The following CRACD variants were observed in gnomAD, a reference collection of about 807,000 sequenced individuals.
The protein encoded by CRACD is capping protein-inhibiting regulator of actin dynamics.
A neutral mutation model predicts 106.8 loss-of-function variants in CRACD; 56 were observed. The ratio of observed to expected loss-of-function variants is 0.52; its 90% confidence interval spans 0.42 to 0.66. The LOEUF (loss-of-function observed/expected upper bound fraction) is 0.66. Among genes scored for constraint, CRACD ranks in the 30% least tolerant of loss-of-function variants. The pLI is 0.00. For synonymous variants in CRACD, 754 were observed against 670.8 expected (o/e 1.12, Z -1.92); for missense variants, 1,730 against 1,623.2 (o/e 1.07, Z -1.13).
intron 1 of CRACD, among the ~76,000 whole-genome samples, chr4:56,072,571 T>C (rs1243745253): frequency 6.6e-6 from 1 of 152,176 alleles, no homozygotes; most frequent in Non-Finnish European, 1.5e-5. Flanking sequence ...CCATCACTGC[T>C]ATCTAATTCT....
chr4:56,238,913 G>A (rs1211363881), intron 2 of CRACD, among the ~76,000 whole-genome samples: 1 of 152,154 alleles, frequency 6.6e-6, no homozygotes, highest in Non-Finnish European at 1.5e-5. Flanking sequence ...AGATCAGTTA[G>A]TTCAAAATCC....
chr4:56,304,664 C>A (rs951210989), intron 4 of CRACD, among the ~76,000 whole-genome samples: 10 of 152,080 alleles, frequency 6.6e-5, no homozygotes, highest in Non-Finnish European at 1.5e-4. Context: ...CATCTGTAGT[C>A]CCACCTATTT....
chr4:56,064,399 T>C (rs762363006), intron 1 of CRACD, among the ~76,000 whole-genome samples: 2 of 152,068 alleles, frequency 1.3e-5, no homozygotes, highest in African/African-American at 4.8e-5. Flanking sequence ...AACACAAACT[T>C]AGCTGTTCTA....
chr4:56,110,312 C>G (rs928563902), intron 1 of CRACD, among the ~76,000 whole-genome samples: 1 of 152,128 alleles, frequency 6.6e-6, no homozygotes, highest in African/African-American at 2.4e-5. Flanking sequence ...TTCACATATT[C>G]AGGGCCTCAA....
intron 1 of CRACD, among the ~76,000 whole-genome samples, chr4:56,058,931 T>C (rs1447928674): frequency 1.3e-5 from 2 of 152,226 alleles, no homozygotes; most frequent in African/African-American, 4.8e-5. Context: ...CCTTTATGAA[T>C]CTGTCCATTG....
At chr4:56,238,399 A>G (rs1183381115) in intron 2 of CRACD, among the ~76,000 whole-genome samples, 2 of 152,218 alleles carry the variant, frequency 1.3e-5, no homozygotes, top group African/African-American at 4.8e-5. Flanking sequence ...TAGGGCTTCA[A>G]AGCCTTGTGT....
chr4:56,100,252 G>T (rs918942730), intron 1 of CRACD, among the ~76,000 whole-genome samples: 4 of 152,046 alleles, frequency 2.6e-5, no homozygotes, highest in Admixed American at 6.6e-5. Flanking sequence ...TGCGGGGACG[G>T]GGGGGAAGGG....
chr4:56,280,710 G>T (rs1021168826), intron 3 of CRACD, among the ~76,000 whole-genome samples: 17 of 152,206 alleles, frequency 1.1e-4, no homozygotes, highest in African/African-American at 3.9e-4. Flanking sequence ...ATCTAATTTG[G>T]CCTCCAGTTT....
chr4:56,138,844 C>T (rs1346498111), intron 1 of CRACD, among the ~76,000 whole-genome samples: 1 of 152,158 alleles, frequency 6.6e-6, no homozygotes, highest in African/African-American at 2.4e-5. Context: ...TTTTAATCCA[C>T]AAAGAAAACA....
intron 3 of CRACD, among the ~76,000 whole-genome samples, chr4:56,286,408 A>T (rs13141350): frequency 6.9e-6 from 1 of 144,630 alleles, no homozygotes; most frequent in South Asian, 2.2e-4. Flanking sequence ...AAAAAAAAAC[A>T]CAAAAAACTC....
intron 2 of CRACD, among the ~76,000 whole-genome samples, chr4:56,198,710 G>A (rs1001985903): frequency 6.6e-6 from 1 of 152,116 alleles, no homozygotes; most frequent in African/African-American, 2.4e-5. Context: ...GAGAAAATGT[G>A]TCCCTTCCTC....
At chr4:56,060,138 C>G (rs1732221959) in intron 1 of CRACD, among the ~76,000 whole-genome samples, 1 of 152,128 alleles carries the variant, frequency 6.6e-6, no homozygotes. Flanking sequence ...AGATTTTGTT[C>G]CTTTGGGTCA....
At chr4:56,056,408 C>T (rs1325186799) in intron 1 of CRACD, among the ~76,000 whole-genome samples, 1 of 152,082 alleles carries the variant, frequency 6.6e-6, no homozygotes. Flanking sequence ...TCATCTAGGC[C>T]TGTGCTGCCC....
chr4:56,215,769 C>T (rs1056806687), intron 2 of CRACD, among the ~76,000 whole-genome samples: 4 of 152,150 alleles, frequency 2.6e-5, no homozygotes, highest in Admixed American at 6.5e-5. Flanking sequence ...ACCATTCTTC[C>T]GGTGGTTCTA....
chr4:56,229,347 G>C (rs1482607711), intron 2 of CRACD, among the ~76,000 whole-genome samples: 2 of 152,150 alleles, frequency 1.3e-5, no homozygotes, highest in African/African-American at 4.8e-5. Context: ...AGGACACCAT[G>C]TTTGTCCCTT....
At chr4:56,240,971 AT>A (rs1362774401) in intron 2 of CRACD, among the ~76,000 whole-genome samples, 1 of 152,214 alleles carries the variant, frequency 6.6e-6, no homozygotes, top group Non-Finnish European at 1.5e-5. Context: ...CGCTGTCAGC[AT>A]GATGGATGGG....
rs146350660 is a variant in CRACD, at chr4:56,219,188, G to A, written c.-189+39758G>A. ...GAGTTTGAATATAATTCAAGAAGAT[G>A]CTCCTAGTAACAGGAAATTCCTTCA... On this transcript the variant is annotated intron_variant, in intron 2 of 10. Transcript: ENST00000682029. Among the ~76,000 whole-genome samples, 493 of 152,264 alleles carry A rather than the reference G, an allele frequency of 3.2e-3. 3 individuals are homozygous for A. Among genetic ancestry groups the A allele is most frequent in the African/African-American group, 0.011 (462 of 41,546 alleles).
intron 1 of CRACD, among the ~76,000 whole-genome samples, chr4:56,109,213 T>C (rs1225137104): frequency 6.6e-6 from 1 of 152,212 alleles, no homozygotes; most frequent in Non-Finnish European, 1.5e-5. Context: ...TACCCGCCGG[T>C]TATTCCTAGG....
rs144941280 is a variant in CRACD at position 56,163,244 on chromosome 4, C to T, written c.-335-16040C>T. 1.5e-3 allele frequency among the ~76,000 whole-genome samples: 227 copies of T among 152,068 alleles called. 1 individual carries two copies. Among genetic ancestry groups the T allele is most frequent in the African/African-American group, 5.1e-3 (211 of 41,496 alleles). ...TAAGACATTTAACCTCTGACAATGA[C>T]TCAATTTTAAAGCTATAAATATTCA... On this transcript the variant is annotated intron_variant, in intron 1 of 10. Transcript: ENST00000682029.
Sources: allele counts gnomAD v4.1 joint callset (sites outside exome capture counted in the v4.1 genomes callset), GRCh38; gene constraint gnomAD v4.1.1; transcripts MANE v1.5; gene names NCBI Gene and HGNC (gene_info 2026-07-23, HGNC 2026-07-21).